The following MICU2 variants were observed in gnomAD, a reference collection of about 807,000 sequenced individuals.
The protein encoded by MICU2 is calcium uptake protein 2, mitochondrial.
A neutral mutation model predicts 60.4 loss-of-function variants in MICU2; 64 were observed. The observed-to-expected ratio is 1.06, with a 90% confidence interval of 0.87 to 1.31. The LOEUF (loss-of-function observed/expected upper bound fraction) is 1.31, where lower values mean the gene tolerates loss of function less well. MICU2 is among the 50% of genes most tolerant of loss of function. The probability of loss-of-function intolerance (pLI) is 0.00; values close to 1 mark genes in which losing one functional copy is unlikely to be tolerated. For synonymous variants in MICU2, 201 were observed against 175.0 expected, an observed-to-expected ratio of 1.15 and a Z score of -1.17; for missense variants, 569 against 531.0, an observed-to-expected ratio of 1.07 and a Z score of -0.70.
chr13:21,597,101 T>C (rs1888710858), intron 1 of MICU2, among the ~76,000 whole-genome samples: 1 of 152,198 alleles, frequency 6.6e-6, no homozygotes, highest in Non-Finnish European at 1.5e-5. Context: ...TAAATGTTAA[T>C]AATATATATT....
At chr13:21,504,938 A>G (rs569092628) in intron 8 of MICU2, among the ~76,000 whole-genome samples, 23 of 152,274 alleles carry the variant, frequency 1.5e-4, no homozygotes, top group African/African-American at 5.5e-4. Context: ...GCCTCTAGAC[A>G]CCTCTGAATT....
intron 1 of MICU2, among the ~76,000 whole-genome samples, chr13:21,575,760 T>A (rs1203459448): frequency 3.1e-4 from 41 of 131,400 alleles, no homozygotes; most frequent in African/African-American, 1.1e-3. Context: ...AAAAAAAGGC[T>A]AGAGCCTTAA....
intron 1 of MICU2, among the ~76,000 whole-genome samples, chr13:21,588,435 GCT>G (rs1241895351): frequency 6.6e-6 from 1 of 152,170 alleles, no homozygotes; most frequent in East Asian, 1.9e-4. Context: ...GTCATCCCAA[GCT>G]CTCTCTGCTA....
chr13:21,549,622 C>CAA (rs11452621), intron 2 of MICU2, among the ~76,000 whole-genome samples: 1 of 151,534 alleles, frequency 6.6e-6, no homozygotes, highest in Admixed American at 6.6e-5. Flanking sequence ...TATTTATTTG[C>CAA]AAAAAAATCT....
intron 2 of MICU2, among the ~76,000 whole-genome samples, chr13:21,546,901 A>G (rs761398483): frequency 9.9e-5 from 15 of 152,202 alleles, no homozygotes; most frequent in Non-Finnish European, 1.5e-5. Flanking sequence ...ATTCTTTGGC[A>G]TGTTCTACAT....
At chr13:21,597,433 A>G (rs1888717855) in intron 1 of MICU2, among the ~76,000 whole-genome samples, 2 of 152,324 alleles carry the variant, frequency 1.3e-5, no homozygotes, top group Middle Eastern at 3.4e-3. Context: ...TTGGTTGTCT[A>G]ATATTTCTAT....
chr13:21,587,109 G>C (rs952702566), intron 1 of MICU2, among the ~76,000 whole-genome samples: 1 of 152,102 alleles, frequency 6.6e-6, no homozygotes, highest in South Asian at 2.1e-4. Flanking sequence ...CCTCCCCTTT[G>C]CCAGGGACGA....
At position 21,514,379 on chromosome 13, in the gene MICU2, C is replaced by T. The variant is rs1886510457; in HGVS notation, c.637G>A (p.Val213Met). The T allele has an allele frequency of 1.2e-6, 2 of 1,613,340 alleles. No homozygotes were observed. Among genetic ancestry groups the T allele is most frequent in the South Asian group, 2.2e-5 (2 of 90,988 alleles). Residue 213 changes from valine (V) to methionine (M), a missense_variant, in exon 7 of 12, where the codon GTG becomes ATG. Val to Met is a conservative substitution (Grantham distance 21). Transcript: ENST00000382374. ...TGATATCCAGTTTCATTAGTTTTCA[C>T]TGTCATCAAGTCATCTTGTTTACTT... ...IISKQDDLMT[V>M]KTNETGYQEA...
At chr13:21,526,395 T>C (rs150642405) in intron 4 of MICU2, among the ~76,000 whole-genome samples, 21 of 152,288 alleles carry the variant, frequency 1.4e-4, no homozygotes, top group African/African-American at 5.1e-4. Flanking sequence ...TGACTGTATG[T>C]CCTTGGTATC....
intron 1 of MICU2, among the ~76,000 whole-genome samples, chr13:21,573,059 T>C (rs1467929022): frequency 6.6e-6 from 1 of 152,174 alleles, no homozygotes; most frequent in African/African-American, 2.4e-5. Flanking sequence ...ATTGTCTGAT[T>C]TTACTATATA....
rs539470065 is a variant in MICU2, at chr13:21,493,424, G to A, written c.1201-71C>T. On this transcript the variant is annotated intron_variant, in intron 11 of 11. Coordinates refer to ENST00000382374, the MANE Select transcript of MICU2 (RefSeq NM_152726.3). ...AAACATGATTTCATATATACTTTACGTTACTGTTTATTTCCTTCCCACACT... is the reference window on the plus strand; with the variant it reads ...AAACATGATTTCATATATACTTTACATTACTGTTTATTTCCTTCCCACACT... 2.4e-5 allele frequency: 26 copies of A among 1,069,034 alleles called. No individual in the cohort carries two copies. In the South Asian group the frequency reaches 3.1e-4, roughly 13 times the overall value. The allele number at this position is 1,069,034 out of a possible 1,614,324, so 66.2% of individuals were successfully genotyped here.
intron 2 of MICU2, among the ~76,000 whole-genome samples, chr13:21,566,228 A>G: frequency 6.6e-6 from 1 of 152,208 alleles, no homozygotes; most frequent in South Asian, 2.1e-4. Context: ...ACACTTAGGA[A>G]GGCGTCAGAA....
chr13:21,585,192 TA>T (rs1888431502), intron 1 of MICU2, among the ~76,000 whole-genome samples: 1 of 152,228 alleles, frequency 6.6e-6, no homozygotes, highest in Non-Finnish European at 1.5e-5. Context: ...TCTCTTTTCA[TA>T]ATCTAGCCAT....
chr13:21,508,392 A>G (rs761199345), intron 8 of MICU2, among the ~76,000 whole-genome samples: 19 of 151,944 alleles, frequency 1.3e-4, no homozygotes, highest in Non-Finnish European at 2.2e-4. Context: ...CCAAAGTGCC[A>G]GGATTACAGG....
chr13:21,516,357 A>G (rs543613139), intron 6 of MICU2, among the ~76,000 whole-genome samples: 12 of 152,334 alleles, frequency 7.9e-5, no homozygotes, highest in Admixed American at 4.6e-4. Context: ...TTCACTCAGC[A>G]TAATGGTCTT....
intron 4 of MICU2, among the ~76,000 whole-genome samples, chr13:21,525,181 ATTTTTTTTTTTTTTTTT>A (rs71093324): frequency 1.2e-5 from 1 of 83,300 alleles, no homozygotes; most frequent in Non-Finnish European, 2.2e-5. Flanking sequence ...GTGTAATTCA[ATTTTTTTTTTTTTTTTT>A]TTTTTTTTTT....
rs1302650492 is a variant in MICU2, at chr13:21,539,533, C to T, written c.390+124G>A. On this transcript the variant is annotated intron_variant, in intron 3 of 11. Transcript: ENST00000382374. The stretch of plus-strand genomic sequence containing the variant: ...AGCCAGGATGGTGATCTCCTGACCT[C>T]GTGATCCGCCCACCTTGGCCTCCCA... 21 of 1,363,870 alleles carry T rather than the reference C, an allele frequency of 1.5e-5. No individual in the cohort carries two copies. The South Asian group carries it at 2.0e-4, about 13-fold the overall frequency. The allele number at this position is 1,363,870 out of a possible 1,614,324, so 84.5% of individuals were successfully genotyped here.
At chr13:21,551,369 G>A (rs1887558582) in intron 2 of MICU2, 2 of 152,278 alleles carry the variant, frequency 1.3e-5, no homozygotes, top group African/African-American at 4.8e-5. Flanking sequence ...AATCTTCTCT[G>A]TATTTTTCCA....
rs374373614 is a variant in MICU2 at position 21,517,770 on chromosome 13, GACAC to G, written c.598-3356_598-3353del. Among the ~76,000 whole-genome samples, 697 of 144,554 alleles carry G rather than the reference GACAC, an allele frequency of 4.8e-3. 4 individuals are homozygous for G. Among genetic ancestry groups the G allele is most frequent in the African/African-American group, 0.014 (553 of 39,924 alleles). 94.8% of individuals were successfully genotyped at this position (144,554 alleles called of 152,430 possible). On this transcript the variant is annotated intron_variant, in intron 6 of 11. Transcript: ENST00000382374. ...ACTCCAGCCTGGGTGACAGAGCGAG[GACAC>G]ACACACACACACACACACACACACA...
Sources: gnomAD v4.1 joint callset for allele counts (sites outside exome capture counted in the v4.1 genomes callset) on GRCh38, gnomAD v4.1.1 for gene constraint, MANE v1.5 for transcripts, NCBI Gene and HGNC (gene_info 2026-07-23, HGNC 2026-07-21) for gene names.